Variants in NUP98 observed in about 807,000 individuals in gnomAD.
NUP98 encodes the protein nucleoporin 98 and 96 precursor.
A neutral mutation model predicts 191.9 loss-of-function variants in NUP98; 26 were observed. The observed-to-expected ratio is 0.14, with a 90% CI of 0.10 to 0.19. The LOEUF is 0.19. NUP98 is among the 10% of genes least tolerant of loss of function. NUP98 has a pLI of 1.00. For missense variants in NUP98, 1,941 were observed against 2,178.8 expected (o/e 0.89, Z 2.17); for synonymous variants, 808 against 778.4 (o/e 1.04, Z -0.63).
intron 11 of NUP98, among the ~76,000 whole-genome samples, chr11:3,749,456 C>G (rs2080656021): frequency 6.6e-6 from 1 of 152,172 alleles, no homozygotes; most frequent in South Asian, 2.1e-4. Flanking sequence ...GAAACCCCAT[C>G]TCTAACTAAA....
At position 3,676,197 on chromosome 11, in the gene NUP98, G is replaced by A; in HGVS notation, c.5365C>T (p.Gln1789Ter). The change falls in exon 33 of 33, where the codon CAG becomes TAG. Residue 1789 changes from glutamine to a stop codon, truncating the protein, a stop_gained. Coordinates refer to ENST00000324932, the MANE Select transcript of NUP98 (RefSeq NM_016320.5). LOFTEE classifies it high-confidence loss of function. ...ACAGCCAGTTCTCGCAGATAGGACT[G>A]GGTAAGGCTGCGCAGTTCGTCCATG... Reference protein sequence around the residue: ...YAMDELRSLTQSYLRELAVGS... With the variant: ...YAMDELRSLT The A allele has an allele frequency of 6.2e-7, 1 of 1,614,152 alleles. No homozygotes were observed. The highest frequency in any genetic ancestry group is 8.5e-7 in the Non-Finnish European group (1 of 1,180,048).
chr11:3,694,467 G>A (rs2078434956), intron 26 of NUP98, among the ~76,000 whole-genome samples: 1 of 151,524 alleles, frequency 6.6e-6, no homozygotes, highest in East Asian at 1.9e-4. Flanking sequence ...GGGGCCGGGC[G>A]CGGTGGCTCA....
At chr11:3,709,411 A>C (rs1422273391) in intron 20 of NUP98, among the ~76,000 whole-genome samples, 1 of 152,120 alleles carries the variant, frequency 6.6e-6, no homozygotes, top group African/African-American at 2.4e-5. Flanking sequence ...AAAAAGTTTA[A>C]AACTTATTTA....
intron 13 of NUP98, among the ~76,000 whole-genome samples, chr11:3,734,341 T>G (rs1001171592): frequency 2.6e-5 from 4 of 152,156 alleles, no homozygotes; most frequent in African/African-American, 9.6e-5. Flanking sequence ...CAGATCCCAT[T>G]TCTTAAAACA....
chr11:3,760,510 G>A, intron 10 of NUP98, 29 bp downstream of exon 10: 1 of 1,614,062 alleles, frequency 6.2e-7, no homozygotes, highest in Non-Finnish European at 8.5e-7. Flanking sequence ...TGTTTGTATT[G>A]GTTCCTAAAG....
chr11:3,794,238 C>T (rs895236072), intron 1 of NUP98, among the ~76,000 whole-genome samples: 7 of 152,172 alleles, frequency 4.6e-5, no homozygotes, highest in South Asian at 2.1e-4. Flanking sequence ...CAAATACTTA[C>T]GGTCAATTTC....
intron 6 of NUP98, among the ~76,000 whole-genome samples, chr11:3,772,534 G>A (rs956006326): frequency 9.9e-5 from 15 of 152,112 alleles, no homozygotes; most frequent in African/African-American, 3.6e-4. Context: ...AGTACATAAT[G>A]TGCCTGGGTG....
At position 3,735,176 on chromosome 11, in the gene NUP98, T is replaced by C; in HGVS notation, c.1542+15A>G. On this transcript the variant is annotated intron_variant, in intron 13 of 32. Coordinates refer to ENST00000324932, the MANE Select transcript of NUP98 (RefSeq NM_016320.5). ...TCTTTGATATGATATTTTACAGAAGTATCCTTAAATTTACCTCTTCCTTCT... is the reference window on the plus strand; with the variant it reads ...TCTTTGATATGATATTTTACAGAAGCATCCTTAAATTTACCTCTTCCTTCT... 6.4e-7 allele frequency: 1 copy of C among 1,568,964 alleles called. No individual in the cohort carries two copies. Among genetic ancestry groups the C allele is most frequent in the Non-Finnish European group, 8.6e-7 (1 of 1,158,722 alleles).
At chr11:3,767,749 TA>T (rs1371607058) in intron 8 of NUP98, among the ~76,000 whole-genome samples, 1 of 151,670 alleles carries the variant, frequency 6.6e-6, no homozygotes, top group East Asian at 1.9e-4. Context: ...TCCCTAGAAA[TA>T]AACTAGTAAT....
chr11:3,787,565 G>A (rs556181274), intron 1 of NUP98, among the ~76,000 whole-genome samples: 13 of 151,810 alleles, frequency 8.6e-5, no homozygotes, highest in Non-Finnish European at 1.5e-4. Context: ...AGAGCAAGAC[G>A]CTGTCTCAAA....
chr11:3,750,776 C>CT (rs1260356742), intron 11 of NUP98, among the ~76,000 whole-genome samples: 3 of 152,114 alleles, frequency 2.0e-5, no homozygotes, highest in Admixed American at 6.6e-5. Flanking sequence ...GTAGCTAGGA[C>CT]TACAGGCACA....
In NUP98 at chr11:3,675,948, T is replaced by C. The variant is rs1051869450; in HGVS notation, c.*211A>G. ...CTGAATGATCTTGAGGATGGTAAAC[T>C]GTCTCCTCTTCTGGGTTCCAGAAGC... On this transcript the variant is annotated 3_prime_UTR_variant, in exon 33 of 33. Transcript: ENST00000324932. The C allele has an allele frequency of 6.9e-6, 4 of 581,178 alleles. No homozygotes were observed. The highest frequency in any genetic ancestry group is 5.6e-5 in the African/African-American group (3 of 53,592). 36.0% of individuals were successfully genotyped at this position (581,178 alleles called of 1,614,324 possible). A position where few individuals can be genotyped will look rare whatever the true frequency, so the allele number is the denominator to read the frequency against.
At chr11:3,784,388 T>C (rs2133959093) in intron 1 of NUP98, among the ~76,000 whole-genome samples, 1 of 152,196 alleles carries the variant, frequency 6.6e-6, no homozygotes, top group African/African-American at 2.4e-5. Context: ...CTCCTTTGAT[T>C]AAACAAAGCT....
At chr11:3,686,432 G>A (rs2078134851) in intron 28 of NUP98, among the ~76,000 whole-genome samples, 1 of 152,186 alleles carries the variant, frequency 6.6e-6, no homozygotes, top group African/African-American at 2.4e-5. Flanking sequence ...CAGGTTTGCT[G>A]GTAATGGTTT....
At position 3,758,746 on chromosome 11, in the gene NUP98, T is replaced by C. The variant is rs536320059; in HGVS notation, c.1174+1793A>G. Among the ~76,000 whole-genome samples the C allele has an allele frequency of 3.4e-4, 51 of 151,738 alleles. No individual in the cohort carries two copies. The South Asian group carries it at 3.5e-3, about 11-fold the overall frequency. On this transcript the variant is annotated intron_variant, in intron 10 of 32. Coordinates refer to ENST00000324932, the MANE Select transcript of NUP98 (RefSeq NM_016320.5). ...GTTGCAGTGAGCCAAGATTGTGCCA[T>C]TGCACTCCAGCCTGGGAGGGAGGGG...
At chr11:3,783,262 A>G (rs914151547) in intron 1 of NUP98, among the ~76,000 whole-genome samples, 2 of 151,228 alleles carry the variant, frequency 1.3e-5, no homozygotes, top group Non-Finnish European at 2.9e-5. Flanking sequence ...GTGACACGGG[A>G]CTGTAGTCCC....
chr11:3,702,257 C>T (rs1340924708), intron 23 of NUP98, among the ~76,000 whole-genome samples: 1 of 150,552 alleles, frequency 6.6e-6, no homozygotes, highest in African/African-American at 2.5e-5. Context: ...CACACACACA[C>T]CGGGGAAACA....
chr11:3,791,081 G>C (rs955957546), intron 1 of NUP98, among the ~76,000 whole-genome samples: 6 of 151,828 alleles, frequency 4.0e-5, no homozygotes, highest in Non-Finnish European at 7.4e-5. Context: ...ATTTTTAGTA[G>C]AGACGGGTTT....
At chr11:3,768,556 G>A (rs767867206) in intron 8 of NUP98, 25 bp downstream of exon 8, 8 of 1,509,728 alleles carry the variant, frequency 5.3e-6, no homozygotes, top group Admixed American at 2.1e-5. Flanking sequence ...AAGACATGGA[G>A]GTAAGTAAGG....
Sources: allele counts gnomAD v4.1 joint callset (sites outside exome capture counted in the v4.1 genomes callset), GRCh38; gene constraint gnomAD v4.1.1; transcripts MANE v1.5; gene names NCBI Gene and HGNC (gene_info 2026-07-23, HGNC 2026-07-21).